The following TGFBR3 variants were observed in gnomAD, a reference collection of about 807,000 sequenced individuals.
The protein encoded by TGFBR3 is transforming growth factor beta receptor type 3.
A neutral mutation model predicts 87.9 loss-of-function variants in TGFBR3; 46 were observed. The ratio of observed to expected loss-of-function variants is 0.52; its 90% CI spans 0.41 to 0.67. The LOEUF is 0.67. Among genes scored for constraint, TGFBR3 ranks in the 30% least tolerant of loss-of-function variants. TGFBR3 has a pLI of 0.00. For missense variants in TGFBR3, 866 were observed against 1,041.9 expected (o/e 0.83, Z 2.32); for synonymous variants, 381 against 391.6 (o/e 0.97, Z 0.32).
intron 8 of TGFBR3, 96 bp downstream of exon 8, chr1:91,721,858 GA>G: frequency 8.5e-7 from 1 of 1,170,868 alleles, no homozygotes; most frequent in Non-Finnish European, 1.2e-6. Context: ...ATGTACAAGA[GA>G]AAAACAGCAA....
chr1:91,809,063 T>G (rs1675936552), intron 2 of TGFBR3, among the ~76,000 whole-genome samples: 1 of 152,208 alleles, frequency 6.6e-6, no homozygotes, highest in Admixed American at 6.6e-5. Flanking sequence ...TTCAAAATAT[T>G]AAACTGAACT....
chr1:91,721,383 C>G (rs1342945902), intron 8 of TGFBR3, among the ~76,000 whole-genome samples: 1 of 152,140 alleles, frequency 6.6e-6, no homozygotes, highest in Non-Finnish European at 1.5e-5. Flanking sequence ...ACTCCTAATC[C>G]TTATTCTATT....
intron 4 of TGFBR3, among the ~76,000 whole-genome samples, chr1:91,741,191 T>C (rs1480493071): frequency 6.6e-5 from 10 of 152,264 alleles, no homozygotes; most frequent in Admixed American, 6.5e-4. Flanking sequence ...ATAGTGGGGC[T>C]ATAAATCATA....
chr1:91,696,501 A>C (rs1671438801), intron 15 of TGFBR3, among the ~76,000 whole-genome samples: 1 of 152,218 alleles, frequency 6.6e-6, no homozygotes, highest in African/African-American at 2.4e-5. Context: ...TGGTCAGCAA[A>C]ACATATAAAT....
intron 2 of TGFBR3, among the ~76,000 whole-genome samples, chr1:91,810,109 A>AGTACCATG (rs1469061415): frequency 6.6e-6 from 1 of 152,072 alleles, no homozygotes; most frequent in Non-Finnish European, 1.5e-5. Flanking sequence ...CCCAGGCTGG[A>AGTACCATG]GTACCATGGT....
At chr1:91,712,874 T>C (rs1469812057) in intron 12 of TGFBR3, among the ~76,000 whole-genome samples, 2 of 152,200 alleles carry the variant, frequency 1.3e-5, no homozygotes, top group African/African-American at 4.8e-5. Flanking sequence ...TTAAAGTGGA[T>C]TTTCCGAAGT....
At chr1:91,802,509 C>T (rs866647146) in intron 2 of TGFBR3, among the ~76,000 whole-genome samples, 10 of 151,898 alleles carry the variant, frequency 6.6e-5, no homozygotes, top group South Asian at 4.2e-4. Flanking sequence ...TACAGGCGCC[C>T]GCCATCACAC....
In TGFBR3 at chr1:91,716,585, G is replaced by T. The variant is rs773291941; in HGVS notation, c.1690C>A (p.Arg564=). Residue 564 remains arginine (R), a synonymous_variant, in exon 11 of 17, where the codon CGA becomes AGA. Transcript: ENST00000212355. Reference sequence around the variant, plus strand: ...ACACATACCACCACGATTTCAGGTCGGGTGAACAGGGAAGCATCTCCTTCA... The same window carrying T: ...ACACATACCACCACGATTTCAGGTCTGGTGAACAGGGAAGCATCTCCTTCA... ...MDEGDASLFT[R]PEIVVFNCSL... 1 of 1,614,022 alleles carries T rather than the reference G, an allele frequency of 6.2e-7. No individual in the cohort carries two copies.
chr1:91,903,027 T>TA (rs57978972), intron 1 of TGFBR3, among the ~76,000 whole-genome samples: 74,864 of 134,068 alleles, frequency 0.56, 20,730 homozygotes, highest in Non-Finnish European at 0.59. Context: ...GCACCTCACT[T>TA]AAAAAAAAAA....
intron 1 of TGFBR3, among the ~76,000 whole-genome samples, chr1:91,867,582 T>A (rs1291077325): frequency 6.6e-6 from 1 of 152,230 alleles, no homozygotes; most frequent in Non-Finnish European, 1.5e-5. Context: ...TTCACAAAGT[T>A]GGAAAAGACC....
At chr1:91,851,875 T>C (rs1677749784) in intron 2 of TGFBR3, among the ~76,000 whole-genome samples, 1 of 152,236 alleles carries the variant, frequency 6.6e-6, no homozygotes, top group Non-Finnish European at 1.5e-5. Context: ...GCAATAATCT[T>C]ACTCATTCTT....
At chr1:91,692,252 G>A (rs1026325788) in intron 16 of TGFBR3, among the ~76,000 whole-genome samples, 3 of 152,146 alleles carry the variant, frequency 2.0e-5, no homozygotes, top group East Asian at 3.9e-4. Flanking sequence ...GAGCAAAGGT[G>A]TAAACCTGCA....
At chr1:91,787,315 T>TA (rs113771961) in intron 3 of TGFBR3, among the ~76,000 whole-genome samples, 95 of 142,042 alleles carry the variant, frequency 6.7e-4, no homozygotes, top group African/African-American at 1.5e-3. Context: ...AAGTAATAAT[T>TA]AAAAAAAAAA....
At chr1:91,726,463 C>T (rs1672553283) in intron 7 of TGFBR3, among the ~76,000 whole-genome samples, 1 of 151,200 alleles carries the variant, frequency 6.6e-6, no homozygotes, top group Admixed American at 6.6e-5. Context: ...AGGCTTTGGG[C>T]TTGACAACAA....
At chr1:91,719,202 G>T in intron 10 of TGFBR3, 110 bp downstream of exon 10, 1 of 1,452,962 alleles carries the variant, frequency 6.9e-7, no homozygotes, top group Non-Finnish European at 9.6e-7. Context: ...CTTTCTTCAG[G>T]CCTGGGGTGA....
chr1:91,695,514 CT>C, intron 16 of TGFBR3, 157 bp downstream of exon 16: 1 of 720,106 alleles, frequency 1.4e-6, no homozygotes. Flanking sequence ...GCAAATTATA[CT>C]TTTGTGAAAC....
chr1:91,729,285 T>TACACAC (rs72204982), intron 6 of TGFBR3, among the ~76,000 whole-genome samples: 1,447 of 143,198 alleles, frequency 0.01, 26 homozygotes, highest in East Asian at 0.025. Flanking sequence ...TGCATGCGCA[T>TACACAC]ACACACACAC....
intron 2 of TGFBR3, among the ~76,000 whole-genome samples, chr1:91,860,144 T>A (rs1189050575): frequency 6.6e-6 from 1 of 152,220 alleles, no homozygotes; most frequent in African/African-American, 2.4e-5. Flanking sequence ...TACATGACAC[T>A]ACGCAAGTTA....
At chr1:91,733,418 C>G (rs188901033) in intron 5 of TGFBR3, among the ~76,000 whole-genome samples, 9 of 152,170 alleles carry the variant, frequency 5.9e-5, no homozygotes, top group African/African-American at 1.7e-4. Flanking sequence ...GTGGGATGCA[C>G]GTGAAGGCCC....
Sources: allele counts gnomAD v4.1 joint callset (sites outside exome capture counted in the v4.1 genomes callset), GRCh38; gene constraint gnomAD v4.1.1; transcripts MANE v1.5; gene names NCBI Gene and HGNC (gene_info 2026-07-23, HGNC 2026-07-21).